Variants in CTDSPL observed in about 807,000 individuals in gnomAD.
The protein encoded by CTDSPL is CTD small phosphatase-like protein.
CTDSPL carries 8 observed loss-of-function variants against 30.5 expected under a neutral mutation model. That is an observed-to-expected ratio of 0.26 (90% confidence interval 0.15 to 0.47). The LOEUF (loss-of-function observed/expected upper bound fraction) is 0.47. Ranked by LOEUF, CTDSPL falls within the 20% of genes least tolerant of loss-of-function variation. The probability of loss-of-function intolerance (pLI) is 0.99; values close to 1 mark genes in which losing one functional copy is unlikely to be tolerated. For synonymous variants in CTDSPL, 110 were observed against 137.9 expected, an observed-to-expected ratio of 0.80 and a Z score of 1.42; for missense variants, 248 against 366.1, an observed-to-expected ratio of 0.68 and a Z score of 2.63.
intron 1 of CTDSPL, among the ~76,000 whole-genome samples, chr3:37,908,506 G>A (rs1698543493): frequency 6.6e-6 from 1 of 151,982 alleles, no homozygotes; most frequent in Non-Finnish European, 1.5e-5. Context: ...TTGACTAAAT[G>A]TACCAACATT....
At chr3:37,976,796 C>G (rs1418733025) in intron 7 of CTDSPL, among the ~76,000 whole-genome samples, 1 of 152,096 alleles carries the variant, frequency 6.6e-6, no homozygotes, top group African/African-American at 2.4e-5. Context: ...GGGTGCAGCA[C>G]AACTCTCAGG....
Position 37,981,127 on chromosome 3 carries a change from T to TAC in CTDSPL, c.*261_*262insCA. 1 of 129,936 alleles carries TAC rather than the reference T, an allele frequency of 7.7e-6. No homozygotes were observed. The highest frequency in any genetic ancestry group is 1.4e-5 in the Non-Finnish European group (1 of 69,432). The allele number at this position is 129,936 out of a possible 1,614,324, so 8.0% of individuals were successfully genotyped here. On this transcript the variant is annotated 3_prime_UTR_variant, in exon 8 of 8. Coordinates refer to ENST00000273179, the MANE Select transcript of CTDSPL (RefSeq NM_001008392.2). ...TAAAACATACCAAAAAAGAAAAAAATAGAAAAAAAAAAAAAAAAAGCTTGA... is the reference window on the plus strand; with the variant it reads ...TAAAACATACCAAAAAAGAAAAAAATACAGAAAAAAAAAAAAAAAAAGCTTGA...
intron 1 of CTDSPL, among the ~76,000 whole-genome samples, chr3:37,896,625 C>T (rs1251177254): frequency 6.6e-6 from 1 of 152,004 alleles, no homozygotes; most frequent in Admixed American, 6.6e-5. Flanking sequence ...TAACTTTGAC[C>T]TCCCGGGCTC....
intron 3 of CTDSPL, among the ~76,000 whole-genome samples, chr3:37,960,271 G>A (rs1326910687): frequency 3.3e-5 from 5 of 150,118 alleles, no homozygotes; most frequent in South Asian, 2.1e-4. Context: ...ACCTGAGGTC[G>A]GGAGTTCAAG....
Position 37,862,285 on chromosome 3 carries a change from AG to A in CTDSPL, c.79+11del. On this transcript the variant is annotated splice_region_variant and intron_variant, in intron 1 of 7. Transcript: ENST00000273179. This position sits in a 1 kb window ranked among gnomAD's most constrained non-coding sequence, Gnocchi z 4.3. ...CCGGGCGCGGGCGAGAAAGGTGAGGAGGGGCGCAGGCGGCCGCGGGCTGGGG... is the reference window on the plus strand; with the variant it reads ...CCGGGCGCGGGCGAGAAAGGTGAGGAGGGCGCAGGCGGCCGCGGGCTGGGG... The A allele has an allele frequency of 1.3e-6, 2 of 1,488,030 alleles. No homozygotes were observed. The allele number at this position is 1,488,030 out of a possible 1,614,324, so 92.2% of individuals were successfully genotyped here.
chr3:37,978,697 T>C (rs1020039844), intron 7 of CTDSPL, among the ~76,000 whole-genome samples: 4 of 152,212 alleles, frequency 2.6e-5, no homozygotes, highest in African/African-American at 9.6e-5. Flanking sequence ...TTCCTTACTT[T>C]CTTAAACAAC....
intron 4 of CTDSPL, among the ~76,000 whole-genome samples, chr3:37,966,019 G>A (rs1699295290): frequency 6.6e-6 from 1 of 152,198 alleles, no homozygotes; most frequent in Non-Finnish European, 1.5e-5. Context: ...CCAAGTCTCT[G>A]TGAAGGAAAG....
intron 1 of CTDSPL, among the ~76,000 whole-genome samples, chr3:37,919,340 A>G (rs1698687028): frequency 6.6e-6 from 1 of 152,150 alleles, no homozygotes; most frequent in African/African-American, 2.4e-5. Flanking sequence ...CTCTCCTTGG[A>G]ATATTTAGAA....
At chr3:37,916,337 T>TA (rs1312063299) in intron 1 of CTDSPL, among the ~76,000 whole-genome samples, 5 of 152,230 alleles carry the variant, frequency 3.3e-5, no homozygotes, top group Non-Finnish European at 7.3e-5. Context: ...GTGGTGCTTT[T>TA]ATTCTCATGG....
At chr3:37,960,529 T>TACACACAC (rs1379606753) in intron 3 of CTDSPL, among the ~76,000 whole-genome samples, 1 of 59,762 alleles carries the variant, frequency 1.7e-5, no homozygotes, top group Non-Finnish European at 3.0e-5. Flanking sequence ...TATATATATA[T>TACACACAC]ATATATACAC....
At chr3:37,876,923 T>A (rs1204870726) in intron 1 of CTDSPL, among the ~76,000 whole-genome samples, 1 of 151,894 alleles carries the variant, frequency 6.6e-6, no homozygotes, top group Non-Finnish European at 1.5e-5. Context: ...CTGACTAACA[T>A]GGTGAAACCC....
In CTDSPL at chr3:37,947,178, G is replaced by A. The variant is rs764069281; in HGVS notation, c.201G>A (p.Pro67=). Residue 67 remains proline, a synonymous_variant, in exon 2 of 8, where the codon CCG becomes CCA. Transcript: ENST00000273179. ...APPPSSPSVL[P]PLVEENGGLQ... is the part of the protein sequence containing the mutation. Reference sequence around the variant, plus strand: ...CACCCAGCAGCCCCAGTGTGCTTCCGCCACTGGTGGAGGAGAATGGTGGGC... The same window carrying A: ...CACCCAGCAGCCCCAGTGTGCTTCCACCACTGGTGGAGGAGAATGGTGGGC... 8 of 1,612,354 alleles carry A rather than the reference G, an allele frequency of 5.0e-6. No individual in the cohort carries two copies. Among genetic ancestry groups the A allele is most frequent in the Admixed American group, 3.3e-5 (2 of 59,990 alleles).
At position 37,862,221 on chromosome 3, in the gene CTDSPL, A is replaced by G; in HGVS notation, c.22A>G (p.Thr8Ala). The stretch of plus-strand genomic sequence containing the variant: ...ACCCATGGACGGCCCGGCCATCATC[A>G]CCCAGGTGACCAACCCCAAGGAGGA... MDGPAII[T>A]QVTNPKEDEG... is the part of the protein sequence containing the mutation. Residue 8 changes from threonine (T) to alanine (A), a missense_variant, in exon 1 of 8, where the codon ACC (threonine) becomes GCC (alanine). Physicochemically the swap from Thr to Ala is moderately conservative, Grantham distance 58. Coordinates refer to ENST00000273179, the MANE Select transcript of CTDSPL (RefSeq NM_001008392.2). This position sits in a 1 kb window ranked among gnomAD's most constrained non-coding sequence, Gnocchi z 4.3. The G allele has an allele frequency of 1.7e-5, 25 of 1,463,624 alleles. No homozygotes were observed. Among genetic ancestry groups the G allele is most frequent in the Non-Finnish European group, 2.3e-5 (25 of 1,110,018 alleles). 90.7% of individuals were successfully genotyped at this position (1,463,624 alleles called of 1,614,324 possible). A position where few individuals can be genotyped will look rare whatever the true frequency, so the allele number is the denominator to read the frequency against.
intron 2 of CTDSPL, among the ~76,000 whole-genome samples, chr3:37,956,012 A>C (rs1559643775): frequency 6.6e-6 from 1 of 152,234 alleles, no homozygotes; most frequent in Non-Finnish European, 1.5e-5. Context: ...GTTGGAGAGC[A>C]GCATAGCTCT....
intron 1 of CTDSPL, among the ~76,000 whole-genome samples, chr3:37,865,725 C>A (rs1410307230): frequency 6.6e-6 from 1 of 152,222 alleles, no homozygotes; most frequent in South Asian, 2.1e-4. Flanking sequence ...GGCTGCCACC[C>A]TTCCAAACAC....
At chr3:37,959,978 C>A (rs1159801068) in intron 3 of CTDSPL, among the ~76,000 whole-genome samples, 1 of 152,142 alleles carries the variant, frequency 6.6e-6, no homozygotes, top group Non-Finnish European at 1.5e-5. Context: ...CCGAGGAGGG[C>A]AGATGGCTTC....
chr3:37,976,029 G>A, intron 7 of CTDSPL, 135 bp downstream of exon 7: 3 of 933,128 alleles, frequency 3.2e-6, no homozygotes, highest in Admixed American at 2.8e-5. Flanking sequence ...CTGCCATTTA[G>A]CAGTTGCGTG....
chr3:37,972,777 C>A (rs989638769), intron 6 of CTDSPL, among the ~76,000 whole-genome samples: 3 of 152,240 alleles, frequency 2.0e-5, no homozygotes, highest in African/African-American at 7.2e-5. Context: ...AACTCTGACT[C>A]TGATGGGGCT....
intron 1 of CTDSPL, among the ~76,000 whole-genome samples, chr3:37,877,630 T>G (rs1250974065): frequency 6.6e-6 from 1 of 152,212 alleles, no homozygotes; most frequent in Non-Finnish European, 1.5e-5. Context: ...ATATGGTCAT[T>G]CTATTTGTAC....
Sources: allele counts gnomAD v4.1 joint callset (sites outside exome capture counted in the v4.1 genomes callset), GRCh38; gene constraint gnomAD v4.1.1; non-coding constraint Gnocchi (gnomAD v3.1); transcripts MANE v1.5; gene names NCBI Gene and HGNC (gene_info 2026-07-23, HGNC 2026-07-21).